Variants in BFSP2 observed in about 807,000 individuals in gnomAD.
BFSP2 encodes the protein phakinin.
Under a neutral mutation model 44.9 loss-of-function variants are expected in BFSP2, and 38 were observed. The ratio of observed to expected loss-of-function variants is 0.85; its 90% CI spans 0.65 to 1.11. The LOEUF is 1.11. Ranked by LOEUF, BFSP2 falls within the 50% of genes least tolerant of loss-of-function variation. The pLI is 0.00. For missense variants in BFSP2, 525 were observed against 533.0 expected (o/e 0.99, Z 0.15); for synonymous variants, 197 against 209.9 (o/e 0.94, Z 0.53).
chr3:133,463,132 A>C (rs1217393798), intron 4 of BFSP2, among the ~76,000 whole-genome samples: 2 of 152,166 alleles, frequency 1.3e-5, no homozygotes, highest in Non-Finnish European at 2.9e-5. Flanking sequence ...AACATGGAGA[A>C]ACCCCATCTC....
At chr3:133,409,153 C>T (rs2073427438) in intron 1 of BFSP2, among the ~76,000 whole-genome samples, 1 of 151,732 alleles carries the variant, frequency 6.6e-6, no homozygotes, top group African/African-American at 2.4e-5. Context: ...ATGCAAAAGA[C>T]AACAGAAAAA....
chr3:133,414,226 A>G (rs1256914118), intron 1 of BFSP2, among the ~76,000 whole-genome samples: 2 of 30,998 alleles, frequency 6.5e-5, no homozygotes, highest in Non-Finnish European at 1.1e-4. Flanking sequence ...TCCCCTCCAC[A>G]AAACCCAGTA....
chr3:133,460,108 C>T (rs1275264687), intron 4 of BFSP2, among the ~76,000 whole-genome samples: 2 of 152,162 alleles, frequency 1.3e-5, no homozygotes, highest in Non-Finnish European at 2.9e-5. Flanking sequence ...AAAGGCTACT[C>T]TTATACAAGG....
intron 1 of BFSP2, among the ~76,000 whole-genome samples, chr3:133,404,448 GGTC>G (rs1305995747): frequency 6.6e-6 from 1 of 152,118 alleles, no homozygotes; most frequent in Non-Finnish European, 1.5e-5. Flanking sequence ...GTGGCACTGA[GGTC>G]GTAATATTCT....
At chr3:133,463,828 C>T (rs1423459739) in intron 4 of BFSP2, among the ~76,000 whole-genome samples, 1 of 152,166 alleles carries the variant, frequency 6.6e-6, no homozygotes, top group Non-Finnish European at 1.5e-5. Context: ...ACCTGACATT[C>T]TTAGTTGGTT....
chr3:133,424,212 ATTTTT>A (rs112772093), intron 1 of BFSP2, among the ~76,000 whole-genome samples: 1 of 64,774 alleles, frequency 1.5e-5, no homozygotes, highest in Admixed American at 2.0e-4. Flanking sequence ...CGTCCAGCTA[ATTTTT>A]TTTTTTTTTT....
At chr3:133,441,132 C>G (rs1157381737) in intron 1 of BFSP2, among the ~76,000 whole-genome samples, 1 of 151,702 alleles carries the variant, frequency 6.6e-6, no homozygotes, top group Non-Finnish European at 1.5e-5. Context: ...CTCCGCCTCC[C>G]AGGTTCAAGC....
chr3:133,453,731 C>CA lies in BFSP2; in HGVS notation c.891+3268dup, dbSNP rs548275639. Among the ~76,000 whole-genome samples the CA allele has an allele frequency of 2.9e-3, 448 of 152,256 alleles. 4 individuals carry two copies. The highest frequency in any genetic ancestry group is 0.01 in the African/African-American group (424 of 41,546). On this transcript the variant is annotated intron_variant, in intron 4 of 6. Coordinates refer to ENST00000302334, the MANE Select transcript of BFSP2 (RefSeq NM_003571.4). ...TCAGGCAAAAAGATGCAGAATCTGG[C>CA]AGGGGGAACAGGAGAGCACTAAACT...
rs1473665826 is a variant in BFSP2 at position 133,424,218 on chromosome 3, T to TGTGTGTGTGTGTGTGTGTGTG, written c.490-23099_490-23098insGTGTGTGTGTGTGTGTGTGTG. On this transcript the variant is annotated intron_variant, in intron 1 of 6. Transcript: ENST00000302334. ...CTACCACCGCGTCCAGCTAATTTTT[T>TGTGTGTGTGTGTGTGTGTGTG]TTTTTTTTTTTTTTTTTTTTTTTGT... Among the ~76,000 whole-genome samples, 10 of 64,810 alleles carry TGTGTGTGTGTGTGTGTGTGTG rather than the reference T, an allele frequency of 1.5e-4. 1 individual carries two copies. Among genetic ancestry groups the TGTGTGTGTGTGTGTGTGTGTG allele is most frequent in the African/African-American group, 4.2e-4 (8 of 19,086 alleles). The allele number at this position is 64,810 out of a possible 152,430, so 42.5% of individuals were successfully genotyped here.
chr3:133,441,723 C>T (rs1429653838), intron 1 of BFSP2, among the ~76,000 whole-genome samples: 1 of 152,110 alleles, frequency 6.6e-6, no homozygotes, highest in African/African-American at 2.4e-5. Flanking sequence ...ACAAACAGGA[C>T]AGAAAGGCAG....
chr3:133,469,086 G>A (rs2074137864), intron 5 of BFSP2, among the ~76,000 whole-genome samples: 5 of 152,092 alleles, frequency 3.3e-5, no homozygotes. Context: ...CCTAACCATT[G>A]GGGAAAAAAA....
intron 4 of BFSP2, among the ~76,000 whole-genome samples, chr3:133,464,255 G>C (rs1216981648): frequency 2.6e-5 from 4 of 152,196 alleles, no homozygotes; most frequent in African/African-American, 9.7e-5. Flanking sequence ...TCTTAAATTG[G>C]TAGATTGGTG....
chr3:133,437,089 A>G (rs1446440661), intron 1 of BFSP2, among the ~76,000 whole-genome samples: 4 of 152,252 alleles, frequency 2.6e-5, no homozygotes, highest in Non-Finnish European at 5.9e-5. Context: ...TCTTTATAGC[A>G]GCATGATTTA....
intron 4 of BFSP2, among the ~76,000 whole-genome samples, chr3:133,454,659 T>G (rs555620074): frequency 2.0e-4 from 30 of 152,196 alleles, no homozygotes; most frequent in Non-Finnish European, 3.7e-4. Flanking sequence ...GGAAACACTT[T>G]ACATATTTTT....
At chr3:133,428,781 C>A (rs1243534502) in intron 1 of BFSP2, among the ~76,000 whole-genome samples, 1 of 152,206 alleles carries the variant, frequency 6.6e-6, no homozygotes, top group Non-Finnish European at 1.5e-5. Flanking sequence ...CCCACTGTTC[C>A]CTAAGGCCAC....
At chr3:133,415,227 C>G (rs2073507983) in intron 1 of BFSP2, among the ~76,000 whole-genome samples, 1 of 113,166 alleles carries the variant, frequency 8.8e-6, no homozygotes. Context: ...TCTCCCCTCA[C>G]CTCTGTCCTC....
chr3:133,421,312 G>C (rs1005686219), intron 1 of BFSP2, among the ~76,000 whole-genome samples: 1 of 152,196 alleles, frequency 6.6e-6, no homozygotes, highest in Non-Finnish European at 1.5e-5. Flanking sequence ...TCTCTCACAG[G>C]CCTGGAGACT....
At chr3:133,408,376 T>C (rs1232421155) in intron 1 of BFSP2, among the ~76,000 whole-genome samples, 3 of 152,218 alleles carry the variant, frequency 2.0e-5, no homozygotes, top group Non-Finnish European at 4.4e-5. Flanking sequence ...GGTGAAGCTC[T>C]AGGGAAACAG....
At chr3:133,446,229 T>C (rs144955338) in intron 1 of BFSP2, among the ~76,000 whole-genome samples, 79 of 152,060 alleles carry the variant, frequency 5.2e-4, no homozygotes, top group Non-Finnish European at 9.9e-4. Context: ...GAGACCAGCC[T>C]GGCCAACATG....
Sources: allele counts gnomAD v4.1 joint callset (sites outside exome capture counted in the v4.1 genomes callset), GRCh38; gene constraint gnomAD v4.1.1; transcripts MANE v1.5; gene names NCBI Gene and HGNC (gene_info 2026-07-23, HGNC 2026-07-21).